POLQ: variants seen among roughly 807,000 people sequenced by gnomAD.
The protein encoded by POLQ is epididymis secretory sperm binding protein.
Under a neutral mutation model 259.2 loss-of-function variants are expected in POLQ, and 233 were observed. That is an observed-to-expected ratio of 0.90 (90% confidence interval 0.81 to 1.00). POLQ has a LOEUF of 1.00. Ranked by LOEUF, POLQ falls within the 50% of genes least tolerant of loss-of-function variation. The pLI is 0.00. For synonymous variants in POLQ, 1,025 were observed against 1,048.8 expected, an observed-to-expected ratio of 0.98 and a Z score of 0.44; for missense variants, 2,871 against 3,051.6, an observed-to-expected ratio of 0.94 and a Z score of 1.39.
chr3:121,514,022 CAAAAA>C lies in POLQ; in HGVS notation c.1469-1998_1469-1994del, dbSNP rs1185320178. The stretch of plus-strand genomic sequence containing the variant: ...GGGCAACAAGAGTGAAACTCCATCT[CAAAAA>C]AAAAAAAAAAAAAAAAAGAGGCCAG... On this transcript the variant is annotated intron_variant, in intron 9 of 29. Transcript: ENST00000264233. Among the ~76,000 whole-genome samples, 5 of 27,658 alleles carry C rather than the reference CAAAAA, an allele frequency of 1.8e-4. No individual in the cohort carries two copies. The East Asian group carries it at 3.3e-3, about 18-fold the overall frequency. The allele number at this position is 27,658 out of a possible 152,430, so 18.1% of individuals were successfully genotyped here.
At chr3:121,459,369 A>ATTTTTTTT (rs58859161) in intron 25 of POLQ, among the ~76,000 whole-genome samples, 1,743 of 104,784 alleles carry the variant, frequency 0.017, 3 homozygotes, top group African/African-American at 0.018. Context: ...GACTAGAAAG[A>ATTTTTTTT]TTTTTTTTTT....
intron 12 of POLQ, among the ~76,000 whole-genome samples, chr3:121,504,784 A>C (rs1023195034): frequency 3.3e-5 from 5 of 152,196 alleles, no homozygotes; most frequent in Non-Finnish European, 7.3e-5. Flanking sequence ...TAACTAACTT[A>C]GTTTTTTTAT....
rs1235615481 is a variant in POLQ at position 121,489,385 on chromosome 3, A to C, written c.3546T>G (p.Val1182=). The part of the protein sequence containing the change: ...LIQNGSKNQN[V]YMKHHDIHPI... ...GATGGATGTCATGGTGTTTCATATAAACATTCTGGTTTTTTGAACCATTTT... is the reference window on the plus strand; with the variant it reads ...GATGGATGTCATGGTGTTTCATATACACATTCTGGTTTTTTGAACCATTTT... Residue 1182 remains valine (V), a synonymous_variant, in exon 16 of 30, where the codon GTT becomes GTG. Transcript: ENST00000264233. 3 of 1,613,574 alleles carry C rather than the reference A, an allele frequency of 1.9e-6. No homozygotes were observed. Among genetic ancestry groups the C allele is most frequent in the Non-Finnish European group, 2.5e-6 (3 of 1,179,862 alleles).
At chr3:121,494,628 G>A in intron 14 of POLQ, 3 of 1,511,636 alleles carry the variant, frequency 2.0e-6, no homozygotes, top group Non-Finnish European at 2.7e-6. Flanking sequence ...CCTGCCCTGT[G>A]TCGTAAAATG....
chr3:121,481,665 G>A lies in POLQ; in HGVS notation c.6118C>T (p.His2040Tyr). The change falls in exon 19 of 30, where the codon CAT becomes TAT. Residue 2040 changes from histidine to tyrosine, a missense_variant. Around this residue, in one of 3 missense-constraint regions of POLQ, gnomAD observed 2,080 missense variants for 2,126.0 expected, o/e 0.98. Transcript: ENST00000264233. ...QSLGLNAGSE[H>Y]SGRYRASVES... is the part of the protein sequence containing the mutation. Reference sequence around the variant, plus strand: ...ACAGATGCTCTGTATCGCCCAGAATGCTCACTGCCAGCATTTAGCCCCAGG... The same window carrying A: ...ACAGATGCTCTGTATCGCCCAGAATACTCACTGCCAGCATTTAGCCCCAGG... 6.2e-7 allele frequency: 1 copy of A among 1,614,044 alleles called. No individual in the cohort carries two copies. Among genetic ancestry groups the A allele is most frequent in the Non-Finnish European group, 8.5e-7 (1 of 1,179,944 alleles).
At chr3:121,482,397 G>A (rs1000247731) in intron 18 of POLQ, among the ~76,000 whole-genome samples, 2 of 151,944 alleles carry the variant, frequency 1.3e-5, no homozygotes, top group Admixed American at 1.3e-4. Context: ...GTGGGCACCT[G>A]TAATCCCAGC....
At chr3:121,435,251 GA>G (rs1305532953) in intron 28 of POLQ, among the ~76,000 whole-genome samples, 5 of 151,692 alleles carry the variant, frequency 3.3e-5, no homozygotes, top group Admixed American at 1.3e-4. Flanking sequence ...TGTGACAGAA[GA>G]AAAAAAGAAA....
rs1284343347 is a variant in POLQ at position 121,488,833 on chromosome 3, A to T, written c.4098T>A (p.Ser1366=). Residue 1366 remains serine, a synonymous_variant, in exon 16 of 30, where the codon TCT becomes TCA. Transcript: ENST00000264233. ...KSLVQQNSMN[S]FQKECHIPFP... is the part of the protein sequence containing the mutation. ...AAGGAATGTGACACTCCTTCTGAAAAGAGTTCATTGAGTTCTGTTGGACTA... is the reference window on the plus strand; with the variant it reads ...AAGGAATGTGACACTCCTTCTGAAATGAGTTCATTGAGTTCTGTTGGACTA... 2 of 1,613,808 alleles carry T rather than the reference A, an allele frequency of 1.2e-6. No individual in the cohort carries two copies. The highest frequency in any genetic ancestry group is 4.5e-5 in the East Asian group (2 of 44,878).
intron 18 of POLQ, among the ~76,000 whole-genome samples, chr3:121,482,706 T>C (rs2047980865): frequency 6.6e-6 from 1 of 152,050 alleles, no homozygotes. Flanking sequence ...TAATACTAGA[T>C]CAGGCAGATC....
intron 9 of POLQ, 93 bp downstream of exon 9, chr3:121,519,778 C>A: frequency 5.4e-6 from 4 of 744,846 alleles, no homozygotes; most frequent in Non-Finnish European, 9.8e-6. Flanking sequence ...AGAAATACAG[C>A]ATGATGAGAA....
intron 5 of POLQ, among the ~76,000 whole-genome samples, chr3:121,535,731 A>AG (rs1328398341): frequency 6.7e-6 from 1 of 149,286 alleles, no homozygotes; most frequent in African/African-American, 2.5e-5. Flanking sequence ...AAAAAAAAAA[A>AG]AAGAAAGAAT....
chr3:121,526,366 A>G (rs1017235838), intron 7 of POLQ, among the ~76,000 whole-genome samples: 4 of 152,220 alleles, frequency 2.6e-5, no homozygotes, highest in African/African-American at 9.6e-5. Flanking sequence ...CTTGAGTATT[A>G]GCTGTTTTAT....
intron 12 of POLQ, among the ~76,000 whole-genome samples, chr3:121,507,282 GT>G (rs2048216206): frequency 6.6e-6 from 1 of 152,138 alleles, no homozygotes; most frequent in African/African-American, 2.4e-5. Flanking sequence ...AAACATAAAT[GT>G]ATTTTAATTG....
At chr3:121,461,523 T>C (rs2047791155) in intron 24 of POLQ, among the ~76,000 whole-genome samples, 1 of 151,848 alleles carries the variant, frequency 6.6e-6, no homozygotes, top group South Asian at 2.1e-4. Flanking sequence ...TGGTGGAGCA[T>C]GCCTGTAATC....
At chr3:121,475,784 T>C (rs967042382) in intron 20 of POLQ, among the ~76,000 whole-genome samples, 7 of 152,220 alleles carry the variant, frequency 4.6e-5, no homozygotes, top group African/African-American at 1.7e-4. Context: ...GTAGCTTACA[T>C]GCTTTCAGGC....
chr3:121,456,928 C>T (rs1209926048), intron 25 of POLQ, among the ~76,000 whole-genome samples: 1 of 152,064 alleles, frequency 6.6e-6, no homozygotes, highest in East Asian at 1.9e-4. Flanking sequence ...ATCGCCAAGT[C>T]AATCCTAAGC....
Position 121,467,625 on chromosome 3 carries a change from C to T in POLQ, c.6861G>A (p.Lys2287=), listed in dbSNP as rs2047849478. The T allele has an allele frequency of 1.2e-6, 2 of 1,613,644 alleles. No individual in the cohort carries two copies. The highest frequency in any genetic ancestry group is 1.7e-6 in the Non-Finnish European group (2 of 1,179,772). The part of the protein sequence containing the change: ...LLPMGRGKYK[K]GFSVNPRCQA... ...GGCATCTAGGATTCACGCTGAAACC[C>T]TTCTTATATTTTCCTCTGTGGTGCA... Residue 2287 remains lysine, a synonymous_variant, in exon 24 of 30, where the codon AAG becomes AAA. Transcript: ENST00000264233.
At chr3:121,481,449 A>T in intron 19 of POLQ, 123 bp downstream of exon 19, 4 of 874,928 alleles carry the variant, frequency 4.6e-6, no homozygotes, top group Non-Finnish European at 6.9e-6. Flanking sequence ...TTACAGAAAA[A>T]AAGCACTAGA....
At chr3:121,520,475 G>T (rs2048329686) in intron 8 of POLQ, among the ~76,000 whole-genome samples, 1 of 152,146 alleles carries the variant, frequency 6.6e-6, no homozygotes, top group Non-Finnish European at 1.5e-5. Flanking sequence ...GGCAGAGTTT[G>T]CAGTGAGCTG....
Sources: gnomAD v4.1 joint callset for allele counts (sites outside exome capture counted in the v4.1 genomes callset) on GRCh38, gnomAD v4.1.1 for gene constraint, gnomAD v4.1.1 regional missense constraint, MANE v1.5 for transcripts, NCBI Gene and HGNC (gene_info 2026-07-23, HGNC 2026-07-21) for gene names.